The following GRIN2B variants were observed in gnomAD, a reference collection of about 807,000 sequenced individuals.
GRIN2B encodes glutamate receptor ionotropic, NMDA 2B.
A neutral mutation model predicts 114.5 loss-of-function variants in GRIN2B; 5 were observed. The observed-to-expected ratio is 0.04, with a 90% CI of 0.02 to 0.09. GRIN2B has a LOEUF of 0.09. GRIN2B is among the 10% of genes least tolerant of loss of function. The pLI is 1.00. For missense variants in GRIN2B, 1,108 were observed against 1,943.5 expected (o/e 0.57, Z 8.08); for synonymous variants, 787 against 745.1 (o/e 1.06, Z -0.92).
At position 13,861,323 on chromosome 12, in the gene GRIN2B, C is replaced by T. The variant is rs548847804; in HGVS notation, c.411+4475G>A. Among the ~76,000 whole-genome samples, 185 of 152,242 alleles carry T rather than the reference C, an allele frequency of 1.2e-3. 1 individual carries two copies. The highest frequency in any genetic ancestry group is 2.3e-3 in the Non-Finnish European group (159 of 68,018). ...GTGATATCCTGGATTAGTTACTTAA[C>T]CTTTCTAAGCTAAAATCTGAAAACC... On this transcript the variant is annotated intron_variant, in intron 3 of 13. Transcript: ENST00000609686.
chr12:13,667,355 G>A (rs1949986870), intron 5 of GRIN2B, among the ~76,000 whole-genome samples: 1 of 152,156 alleles, frequency 6.6e-6, no homozygotes, highest in African/African-American at 2.4e-5. Context: ...GACTGCATAT[G>A]TGTCCCCTGA....
intron 3 of GRIN2B, among the ~76,000 whole-genome samples, chr12:13,807,595 T>C (rs1034589631): frequency 4.6e-5 from 7 of 152,020 alleles, no homozygotes; most frequent in East Asian, 3.9e-4. Context: ...CAAATTAAGC[T>C]GCTTGATTAC....
At chr12:13,607,404 TATAA>T (rs1949291823) in intron 10 of GRIN2B, among the ~76,000 whole-genome samples, 1 of 78,150 alleles carries the variant, frequency 1.3e-5, no homozygotes. Context: ...ATATATAATA[TATAA>T]AATATATAAT....
intron 3 of GRIN2B, among the ~76,000 whole-genome samples, chr12:13,772,882 A>T (rs1033619305): frequency 6.6e-6 from 1 of 152,200 alleles, no homozygotes; most frequent in African/African-American, 2.4e-5. Flanking sequence ...CCCCTGCTCT[A>T]TAGCAAATGT....
At chr12:13,909,177 G>A (rs191478360) in intron 2 of GRIN2B, among the ~76,000 whole-genome samples, 1 of 152,290 alleles carries the variant, frequency 6.6e-6, no homozygotes. Context: ...CACAGCTCAG[G>A]CAGGCCATGT....
chr12:13,800,802 A>G (rs1864496538), intron 3 of GRIN2B, among the ~76,000 whole-genome samples: 1 of 152,192 alleles, frequency 6.6e-6, no homozygotes, highest in Non-Finnish European at 1.5e-5. Context: ...TAATTAACCA[A>G]ATACGTGTCA....
chr12:13,629,261 T>C (rs1442310753), intron 5 of GRIN2B, among the ~76,000 whole-genome samples: 2 of 152,182 alleles, frequency 1.3e-5, no homozygotes, highest in Non-Finnish European at 2.9e-5. Flanking sequence ...AAGAAAATAG[T>C]TTTTTGTCAG....
intron 5 of GRIN2B, among the ~76,000 whole-genome samples, chr12:13,617,690 T>C (rs1317783134): frequency 6.6e-6 from 1 of 152,228 alleles, no homozygotes; most frequent in Non-Finnish European, 1.5e-5. Context: ...TTTCTCAATC[T>C]ATGATTTCCT....
At chr12:13,656,159 C>T (rs1339952490) in intron 5 of GRIN2B, among the ~76,000 whole-genome samples, 1 of 152,064 alleles carries the variant, frequency 6.6e-6, no homozygotes, top group Non-Finnish European at 1.5e-5. Context: ...GAATGGTCAA[C>T]CAAAGCATGA....
At chr12:13,958,591 C>T (rs1278469819) in intron 2 of GRIN2B, among the ~76,000 whole-genome samples, 2 of 152,228 alleles carry the variant, frequency 1.3e-5, no homozygotes, top group Admixed American at 6.5e-5. Context: ...ATGCCCAGGA[C>T]ATGGCACTGG....
At chr12:13,779,320 A>G (rs371584012) in intron 3 of GRIN2B, among the ~76,000 whole-genome samples, 65 of 152,336 alleles carry the variant, frequency 4.3e-4, no homozygotes, top group Middle Eastern at 3.4e-3. Context: ...CTGGGATTAC[A>G]GGTGTGAGCC....
chr12:13,621,246 T>A (rs1398308578), intron 5 of GRIN2B, among the ~76,000 whole-genome samples: 1 of 152,076 alleles, frequency 6.6e-6, no homozygotes, highest in African/African-American at 2.4e-5. Context: ...CAAGCAAACA[T>A]CTTGAAAGTG....
intron 3 of GRIN2B, among the ~76,000 whole-genome samples, chr12:13,766,875 A>C (rs1340896990): frequency 6.6e-6 from 1 of 152,164 alleles, no homozygotes; most frequent in Non-Finnish European, 1.5e-5. Context: ...AATTATACAC[A>C]CTGGTCAGGA....
chr12:13,862,033 G>T (rs1293452635), intron 3 of GRIN2B, among the ~76,000 whole-genome samples: 1 of 152,122 alleles, frequency 6.6e-6, no homozygotes, highest in Non-Finnish European at 1.5e-5. Flanking sequence ...TTGGTGACTT[G>T]TCCTGATTCT....
intron 3 of GRIN2B, among the ~76,000 whole-genome samples, chr12:13,810,928 A>G (rs1591745456): frequency 6.6e-6 from 1 of 152,218 alleles, no homozygotes; most frequent in Admixed American, 6.5e-5. Flanking sequence ...ACAGATAACC[A>G]TCTACCACCT....
intron 10 of GRIN2B, among the ~76,000 whole-genome samples, chr12:13,578,835 T>A (rs1217077202): frequency 1.3e-5 from 2 of 151,976 alleles, no homozygotes; most frequent in Admixed American, 1.3e-4. Context: ...TCTGAGAAGG[T>A]GGCATCTGAA....
At chr12:13,873,295 C>T (rs1054170800) in intron 2 of GRIN2B, among the ~76,000 whole-genome samples, 1 of 152,208 alleles carries the variant, frequency 6.6e-6, no homozygotes, top group African/African-American at 2.4e-5. Context: ...CATCAACCAT[C>T]TGAGGTAGGA....
intron 2 of GRIN2B, among the ~76,000 whole-genome samples, chr12:13,966,820 C>T (rs1867796440): frequency 6.6e-6 from 1 of 152,152 alleles, no homozygotes; most frequent in African/African-American, 2.4e-5. Flanking sequence ...ACTCTAAAAA[C>T]CCAGAATTAT....
At chr12:13,602,292 G>C (rs1214047544) in intron 10 of GRIN2B, among the ~76,000 whole-genome samples, 1 of 152,154 alleles carries the variant, frequency 6.6e-6, no homozygotes, top group African/African-American at 2.4e-5. Context: ...CTTACATTTT[G>C]CTCAGCTACC....
Sources: allele counts gnomAD v4.1 joint callset (sites outside exome capture counted in the v4.1 genomes callset), GRCh38; gene constraint gnomAD v4.1.1; transcripts MANE v1.5; gene names NCBI Gene and HGNC (gene_info 2026-07-23, HGNC 2026-07-21).